The following DLGAP2 variants were observed in gnomAD, a reference collection of about 807,000 sequenced individuals.
DLGAP2 encodes the protein DLG associated protein 2.
In DLGAP2, 26 loss-of-function variants were observed where a neutral mutation model predicts 100.3. The observed-to-expected ratio is 0.26, with a 90% CI of 0.19 to 0.36. The LOEUF is 0.36. DLGAP2 is among the 10% of genes least tolerant of loss of function. DLGAP2 has a pLI of 1.00. For synonymous variants in DLGAP2, 886 were observed against 630.1 expected (o/e 1.41, Z -6.08); for missense variants, 1,858 against 1,453.2 (o/e 1.28, Z -4.53).
chr8:1,648,315 C>T (rs1031234572), intron 8 of DLGAP2, among the ~76,000 whole-genome samples: 10 of 152,194 alleles, frequency 6.6e-5, no homozygotes, highest in African/African-American at 2.4e-4. Flanking sequence ...CTCAGGGGCA[C>T]CCATGCATCC....
intron 3 of DLGAP2, among the ~76,000 whole-genome samples, chr8:1,263,959 G>A (rs1366740588): frequency 1.3e-5 from 2 of 152,094 alleles, no homozygotes; most frequent in African/African-American, 2.4e-5. Flanking sequence ...CTCAGCTCTA[G>A]CCAGTCTGTC....
intron 2 of DLGAP2, among the ~76,000 whole-genome samples, chr8:1,037,357 C>A (rs1274432894): frequency 6.6e-6 from 1 of 152,164 alleles, no homozygotes; most frequent in African/African-American, 2.4e-5. Context: ...TCAGTAGAAT[C>A]TGCTGTTCCG....
Position 1,626,860 on chromosome 8 carries a change from C to T in DLGAP2, c.1563C>T (p.Thr521=). 1 of 1,606,196 alleles carries T rather than the reference C, an allele frequency of 6.2e-7. No individual in the cohort carries two copies. The highest frequency in any genetic ancestry group is 8.5e-7 in the Non-Finnish European group (1 of 1,176,650). ...RNQSYMRAVS[T]LSQASCVSQV... is the part of the protein sequence containing the mutation. The stretch of plus-strand genomic sequence containing the variant: ...AGAGCTACATGAGGGCCGTCAGCAC[C>T]CTGAGCCAGGCCAGCTGCGTGAGCC... The change falls in exon 7 of 15, where the codon ACC becomes ACT. Residue 521 remains threonine, a synonymous_variant. Coordinates refer to ENST00000637795, the MANE Select transcript of DLGAP2 (RefSeq NM_001346810.2).
At chr8:984,478 A>G (rs919384638) in intron 2 of DLGAP2, among the ~76,000 whole-genome samples, 1 of 152,200 alleles carries the variant, frequency 6.6e-6, no homozygotes, top group Non-Finnish European at 1.5e-5. Flanking sequence ...GCCTAGGTTT[A>G]TCTTGGTTGT....
intron 3 of DLGAP2, among the ~76,000 whole-genome samples, chr8:1,431,432 G>C (rs114657855): frequency 2.0e-5 from 3 of 152,216 alleles, no homozygotes; most frequent in African/African-American, 7.2e-5. Flanking sequence ...GCTCAGTTCC[G>C]TTGGCTGACC....
At chr8:1,322,301 C>G (rs144549577) in intron 3 of DLGAP2, among the ~76,000 whole-genome samples, 8 of 152,302 alleles carry the variant, frequency 5.3e-5, no homozygotes, top group Non-Finnish European at 7.4e-5. Context: ...GAAAAAACTT[C>G]GAAATCTCAA....
At chr8:1,411,517 G>C (rs1419473401) in intron 3 of DLGAP2, among the ~76,000 whole-genome samples, 2 of 152,172 alleles carry the variant, frequency 1.3e-5, no homozygotes, top group Non-Finnish European at 2.9e-5. Context: ...ACATTGGCAG[G>C]AAGACGGAGT....
At chr8:1,263,056 C>G (rs1271641697) in intron 3 of DLGAP2, among the ~76,000 whole-genome samples, 1 of 151,978 alleles carries the variant, frequency 6.6e-6, no homozygotes, top group Non-Finnish European at 1.5e-5. Flanking sequence ...TTATTTGCCC[C>G]CATTAAATCT....
chr8:1,194,857 C>T (rs1288298274), intron 2 of DLGAP2, among the ~76,000 whole-genome samples: 1 of 152,202 alleles, frequency 6.6e-6, no homozygotes, highest in Non-Finnish European at 1.5e-5. Context: ...TTCGCTCAGT[C>T]TCAGACTCTA....
At chr8:1,251,074 G>A (rs1799028794) in intron 2 of DLGAP2, among the ~76,000 whole-genome samples, 1 of 152,186 alleles carries the variant, frequency 6.6e-6, no homozygotes, top group African/African-American at 2.4e-5. Flanking sequence ...TTTCAAATTA[G>A]AAATTAACCC....
intron 2 of DLGAP2, among the ~76,000 whole-genome samples, chr8:1,201,104 C>T (rs1019249428): frequency 6.6e-6 from 1 of 152,190 alleles, no homozygotes; most frequent in Non-Finnish European, 1.5e-5. Flanking sequence ...GGCTGCTCCC[C>T]GTCCCCGAGG....
At position 1,697,222 on chromosome 8, in the gene DLGAP2, G is replaced by A. The variant is rs939338157; in HGVS notation, c.2872G>A (p.Asp958Asn). Residue 958 changes from aspartate to asparagine, a missense_variant, in exon 14 of 15, where the codon GAC (aspartate) becomes AAC (asparagine). Physicochemically the swap from Asp to Asn is conservative, Grantham distance 23. Transcript: ENST00000637795. The part of the protein sequence containing the change: ...YWDMLQLSIE[D>N]VSMKFDELQR... ...GGACATGCTGCAGCTCTCCATTGAG[G>A]ACGTCAGCATGAAGTTCGACGAGCT... The A allele has an allele frequency of 1.2e-6, 2 of 1,612,048 alleles. No individual in the cohort carries two copies. The highest frequency in any genetic ancestry group is 8.5e-7 in the Non-Finnish European group (1 of 1,178,978).
chr8:925,699 A>G (rs534846287), intron 2 of DLGAP2, among the ~76,000 whole-genome samples: 1 of 152,220 alleles, frequency 6.6e-6, no homozygotes, highest in Non-Finnish European at 1.5e-5. Context: ...CTCATCATGT[A>G]TATCTGTGTG....
chr8:839,014 G>C (rs1796933083), intron 1 of DLGAP2, among the ~76,000 whole-genome samples: 1 of 152,182 alleles, frequency 6.6e-6, no homozygotes, highest in African/African-American at 2.4e-5. Context: ...ATCAGGAAAA[G>C]CCACATATGA....
intron 12 of DLGAP2, among the ~76,000 whole-genome samples, chr8:1,683,856 ATGTGTGTGTGTGTGTGTGTG>A (rs10583520): frequency 1.6e-5 from 1 of 62,240 alleles, no homozygotes; most frequent in Non-Finnish European, 2.7e-5. Context: ...ATATATATAT[ATGTGTGTGTGTGTGTGTGTG>A]TGTGTGTGTG....
rs531232155 is a variant in DLGAP2 at position 1,097,056 on chromosome 8, G to C, written c.74-161795G>C. ...GCAGGCCTTCACCCTATGTGGCATG[G>C]AGAGGTCCCCTCCAGTGTGAGACCC... On this transcript the variant is annotated intron_variant, in intron 2 of 14. Coordinates refer to ENST00000637795, the MANE Select transcript of DLGAP2 (RefSeq NM_001346810.2). Among the ~76,000 whole-genome samples, 6 of 139,782 alleles carry C rather than the reference G, an allele frequency of 4.3e-5. No homozygotes were observed. In the South Asian group the frequency reaches 1.2e-3, roughly 27 times the overall value. 91.7% of individuals were successfully genotyped at this position (139,782 alleles called of 152,430 possible). A position where few individuals can be genotyped will look rare whatever the true frequency, so the allele number is the denominator to read the frequency against.
chr8:1,412,545 G>A (rs28660164), intron 3 of DLGAP2, among the ~76,000 whole-genome samples: 7,927 of 152,240 alleles, frequency 0.052, 494 homozygotes, highest in East Asian at 0.25. Context: ...GTGTATCCTT[G>A]GTAAGCCCCA....
chr8:1,246,052 A>G (rs1445287738), intron 2 of DLGAP2, among the ~76,000 whole-genome samples: 1 of 152,206 alleles, frequency 6.6e-6, no homozygotes, highest in African/African-American at 2.4e-5. Flanking sequence ...CTATTTATGT[A>G]CTATCAGTGT....
chr8:998,024 C>T (rs545199779), intron 2 of DLGAP2, among the ~76,000 whole-genome samples: 3 of 151,788 alleles, frequency 2.0e-5, no homozygotes, highest in Non-Finnish European at 4.4e-5. Context: ...TGCACACAAA[C>T]ATGCATAAAC....
Sources: gnomAD v4.1 joint callset for allele counts (sites outside exome capture counted in the v4.1 genomes callset) on GRCh38, gnomAD v4.1.1 for gene constraint, MANE v1.5 for transcripts, NCBI Gene and HGNC (gene_info 2026-07-23, HGNC 2026-07-21) for gene names.